Variants in KCNQ5 observed in about 807,000 individuals in gnomAD.
KCNQ5 encodes the protein potassium voltage-gated channel subfamily KQT member 5.
A neutral mutation model predicts 98.2 loss-of-function variants in KCNQ5; 30 were observed. The ratio of observed to expected loss-of-function variants is 0.31; its 90% CI spans 0.23 to 0.41. The LOEUF is 0.41. Among genes scored for constraint, KCNQ5 ranks in the 10% least tolerant of loss-of-function variants. The pLI is 1.00. For missense variants in KCNQ5, 835 were observed against 1,182.5 expected, an observed-to-expected ratio of 0.71 and a Z score of 4.31; for synonymous variants, 458 against 449.4, an observed-to-expected ratio of 1.02 and a Z score of -0.24.
At chr6:73,106,220 T>C (rs1205201125) in intron 6 of KCNQ5, among the ~76,000 whole-genome samples, 2 of 152,132 alleles carry the variant, frequency 1.3e-5, no homozygotes, top group African/African-American at 4.8e-5. Context: ...TGCCTATTAA[T>C]AAGTGCAGAG....
chr6:72,996,836 T>A (rs1769323938), intron 1 of KCNQ5, among the ~76,000 whole-genome samples: 1 of 152,306 alleles, frequency 6.6e-6, no homozygotes, highest in East Asian at 1.9e-4. Context: ...ACAAGGAGAA[T>A]GACACGTCAG....
At chr6:72,665,967 C>T (rs1429288199) in intron 1 of KCNQ5, among the ~76,000 whole-genome samples, 1 of 152,190 alleles carries the variant, frequency 6.6e-6, no homozygotes, top group African/African-American at 2.4e-5. Context: ...CCACCTTACT[C>T]ACTACTCTTG....
In KCNQ5 at chr6:72,852,214, T is replaced by C. The variant is rs183273668; in HGVS notation, c.399-151694T>C. On this transcript the variant is annotated intron_variant, in intron 1 of 13. Coordinates refer to ENST00000370398, the MANE Select transcript of KCNQ5 (RefSeq NM_019842.4). ...TGAATGTCTACCTACCCCAGTGATG[T>C]GCTGGAAGTTGCTCATACAAGCTTG... 5.4e-4 allele frequency among the ~76,000 whole-genome samples: 82 copies of C among 152,258 alleles called. 1 individual carries two copies. Among genetic ancestry groups the C allele is most frequent in the African/African-American group, 1.9e-3 (79 of 41,576 alleles).
At chr6:72,815,062 G>A (rs998623046) in intron 1 of KCNQ5, among the ~76,000 whole-genome samples, 10 of 152,178 alleles carry the variant, frequency 6.6e-5, no homozygotes, top group African/African-American at 2.2e-4. Context: ...ATGGGATTCA[G>A]TTTGGGATAA....
intron 1 of KCNQ5, among the ~76,000 whole-genome samples, chr6:72,681,113 G>A (rs929677640): frequency 6.6e-6 from 1 of 152,206 alleles, no homozygotes; most frequent in African/African-American, 2.4e-5. Flanking sequence ...AGTTGAGTGA[G>A]CTGTGCATTT....
rs541665177 is a variant in KCNQ5, at chr6:72,669,910, CT to C, written c.398+47339del. On this transcript the variant is annotated intron_variant, in intron 1 of 13. Coordinates refer to ENST00000370398, the MANE Select transcript of KCNQ5 (RefSeq NM_019842.4). The stretch of plus-strand genomic sequence containing the variant: ...TTCTCTTCAAAACAAACTTTCTTTC[CT>C]TTTTTTTTTTTTTTTGGAATGTGGA... Among the ~76,000 whole-genome samples, 344 of 134,932 alleles carry C rather than the reference CT, an allele frequency of 2.5e-3. 1 individual carries two copies. The highest frequency in any genetic ancestry group is 9.6e-3 in the East Asian group (46 of 4,782). The allele number at this position is 134,932 out of a possible 152,430, so 88.5% of individuals were successfully genotyped here. A position where few individuals can be genotyped will look rare whatever the true frequency, so the allele number is the denominator to read the frequency against.
intron 3 of KCNQ5, among the ~76,000 whole-genome samples, chr6:73,046,583 A>G (rs1194353152): frequency 1.3e-5 from 2 of 149,512 alleles, no homozygotes; most frequent in East Asian, 3.9e-4. Flanking sequence ...TATTTATTTT[A>G]TTTTATTTTA....
chr6:73,136,235 T>A (rs1392834793), intron 10 of KCNQ5: 1 of 152,206 alleles, frequency 6.6e-6, no homozygotes, highest in Non-Finnish European at 1.5e-5. Context: ...AGCATTCAAC[T>A]TTGTAGTGTA....
At chr6:72,854,414 A>G (rs1425595841) in intron 1 of KCNQ5, among the ~76,000 whole-genome samples, 2 of 144,770 alleles carry the variant, frequency 1.4e-5, no homozygotes, top group Admixed American at 1.4e-4. Context: ...CTGTTAACAG[A>G]TTATGTAGCT....
chr6:72,727,162 C>T (rs1342592760), intron 1 of KCNQ5, among the ~76,000 whole-genome samples: 4 of 152,194 alleles, frequency 2.6e-5, no homozygotes, highest in Non-Finnish European at 5.9e-5. Flanking sequence ...CCCCACATAG[C>T]ACAGCAGGGT....
chr6:73,107,311 T>C (rs1027836403), intron 6 of KCNQ5, among the ~76,000 whole-genome samples: 9 of 152,224 alleles, frequency 5.9e-5, no homozygotes, highest in Non-Finnish European at 1.3e-4. Flanking sequence ...CTAGTCTTCA[T>C]TCAGAGAAAA....
intron 1 of KCNQ5, among the ~76,000 whole-genome samples, chr6:72,702,301 T>C (rs527989774): frequency 3.3e-5 from 5 of 152,292 alleles, no homozygotes; most frequent in Non-Finnish European, 7.4e-5. Context: ...TGTGTAGCAA[T>C]GTGAAGGGCT....
At chr6:72,896,390 A>G (rs1323398156) in intron 1 of KCNQ5, among the ~76,000 whole-genome samples, 1 of 152,130 alleles carries the variant, frequency 6.6e-6, no homozygotes, top group Non-Finnish European at 1.5e-5. Flanking sequence ...AAATGTTTAG[A>G]GGAAGATTAT....
chr6:72,958,665 A>G (rs1767199681), intron 1 of KCNQ5, among the ~76,000 whole-genome samples: 1 of 152,256 alleles, frequency 6.6e-6, no homozygotes, highest in Non-Finnish European at 1.5e-5. Flanking sequence ...GGTACATAAT[A>G]AATATGTGTT....
intron 1 of KCNQ5, among the ~76,000 whole-genome samples, chr6:72,720,957 A>G (rs1407563085): frequency 6.6e-6 from 1 of 152,232 alleles, no homozygotes; most frequent in Non-Finnish European, 1.5e-5. Flanking sequence ...AGTCTCCTGT[A>G]GGTGAGCATT....
chr6:73,141,896 C>T (rs2150469677), intron 10 of KCNQ5, among the ~76,000 whole-genome samples: 1 of 152,316 alleles, frequency 6.6e-6, no homozygotes, highest in South Asian at 2.1e-4. Context: ...TACTTATAAT[C>T]TCACAGTTTC....
At chr6:72,829,158 A>G (rs759908042) in intron 1 of KCNQ5, among the ~76,000 whole-genome samples, 1 of 152,034 alleles carries the variant, frequency 6.6e-6, no homozygotes, top group Non-Finnish European at 1.5e-5. Context: ...GCTCTCATAT[A>G]TACCCTGCTC....
intron 1 of KCNQ5, among the ~76,000 whole-genome samples, chr6:72,664,070 A>G (rs1457598764): frequency 6.6e-6 from 1 of 152,222 alleles, no homozygotes. Flanking sequence ...TTTACCTGTA[A>G]AAGCTACTGA....
intron 1 of KCNQ5, among the ~76,000 whole-genome samples, chr6:72,770,083 G>T (rs563788075): frequency 1.3e-5 from 2 of 152,242 alleles, no homozygotes; most frequent in African/African-American, 4.8e-5. Flanking sequence ...CAAGCAACAG[G>T]TTGAGAAAGC....
Sources: gnomAD v4.1 joint callset for allele counts (sites outside exome capture counted in the v4.1 genomes callset) on GRCh38, gnomAD v4.1.1 for gene constraint, MANE v1.5 for transcripts, NCBI Gene and HGNC (gene_info 2026-07-23, HGNC 2026-07-21) for gene names.